FANCM: variants seen among roughly 807,000 people sequenced by gnomAD.
The protein encoded by FANCM is Fanconi anemia group M protein.
FANCM carries 140 observed loss-of-function variants against 199.5 expected under a neutral mutation model. The observed-to-expected ratio is 0.70, with a 90% CI of 0.61 to 0.81. The LOEUF (loss-of-function observed/expected upper bound fraction) is 0.81. Among genes scored for constraint, FANCM ranks in the 30% least tolerant of loss-of-function variants. The pLI is 0.00. For missense variants in FANCM, 2,410 were observed against 2,421.4 expected (o/e 1.00, Z 0.10); for synonymous variants, 840 against 836.8 (o/e 1.00, Z -0.07).
chr14:45,155,096 G>GT (rs1887087373), intron 7 of FANCM, among the ~76,000 whole-genome samples: 1 of 152,018 alleles, frequency 6.6e-6, no homozygotes, highest in African/African-American at 2.4e-5. Context: ...AAAATTCTCA[G>GT]AACTATCAAA....
In FANCM at chr14:45,176,790, A is replaced by G; in HGVS notation, c.4036A>G (p.Thr1346Ala). 2.5e-6 allele frequency: 4 copies of G among 1,607,666 alleles called. No homozygotes were observed. The highest frequency in any genetic ancestry group is 3.3e-4 in the Middle Eastern group (2 of 6,024). The part of the protein sequence containing the change: ...VMSTPLSKSN[T>A]LNSFSKIRKE... ...GAGTACACCACTCTCTAAATCAAAC[A>G]CATTGAACTCATTTTCTAAGATAAG... is the stretch of plus-strand genomic sequence containing the variant. Residue 1346 changes from threonine to alanine, a missense_variant, in exon 14 of 23, where the codon ACA becomes GCA. Coordinates refer to ENST00000267430, the MANE Select transcript of FANCM (RefSeq NM_020937.4).
Position 45,199,891 on chromosome 14 carries a change from G to T in FANCM, c.6030G>T (p.Met2010Ile). The T allele has an allele frequency of 6.2e-7, 1 of 1,611,472 alleles. No homozygotes were observed. Among genetic ancestry groups the T allele is most frequent in the Non-Finnish European group, 8.5e-7 (1 of 1,178,026 alleles). Residue 2010 changes from methionine to isoleucine, a missense_variant, in exon 23 of 23, where the codon ATG becomes ATT. Coordinates refer to ENST00000267430, the MANE Select transcript of FANCM (RefSeq NM_020937.4). ...TCAGCTCACTTCAAGAAATCTCCAT[G>T]TATGCACAAGTAACTCATCAGAAGG... ...MANSSLQEIS[M>I]YAQVTHQKAE... is the part of the protein sequence containing the mutation.
intron 11 of FANCM, 164 bp downstream of exon 11, chr14:45,167,327 A>G (rs1888056382): frequency 1.6e-6 from 1 of 630,360 alleles, no homozygotes; most frequent in Non-Finnish European, 2.8e-6. Context: ...CATGTGGCAA[A>G]TGGAGAGACA....
chr14:45,188,364 T>G (rs1162956584), intron 19 of FANCM, among the ~76,000 whole-genome samples: 1 of 152,162 alleles, frequency 6.6e-6, no homozygotes, highest in African/African-American at 2.4e-5. Context: ...ATTCCTTTTT[T>G]GTCCTTGGTT....
intron 18 of FANCM, among the ~76,000 whole-genome samples, chr14:45,185,711 TTTC>T (rs1258946281): frequency 6.6e-6 from 1 of 152,122 alleles, no homozygotes; most frequent in Non-Finnish European, 1.5e-5. Context: ...AGACAAAAAA[TTTC>T]TTCTTATGAA....
At chr14:45,145,834 C>T (rs887810804) in intron 3 of FANCM, among the ~76,000 whole-genome samples, 9 of 151,506 alleles carry the variant, frequency 5.9e-5, no homozygotes, top group East Asian at 3.9e-4. Context: ...CCGAGGCGGG[C>T]GGATCACGAG....
chr14:45,166,142 AAAC>A (rs1420887766), intron 10 of FANCM, among the ~76,000 whole-genome samples: 1 of 151,714 alleles, frequency 6.6e-6, no homozygotes, highest in African/African-American at 2.4e-5. Context: ...AAAAAAAAAA[AAAC>A]AAAAAAAACG....
At chr14:45,156,688 G>A (rs1441859183) in intron 8 of FANCM, among the ~76,000 whole-genome samples, 4 of 152,090 alleles carry the variant, frequency 2.6e-5, no homozygotes, top group Admixed American at 2.0e-4. Flanking sequence ...GAGAGGCCGA[G>A]GTGGGCAGAT....
chr14:45,184,617 C>T lies in FANCM; in HGVS notation c.4516-600C>T, dbSNP rs568395218. On this transcript the variant is annotated intron_variant, in intron 17 of 22. Transcript: ENST00000267430. ...CGGAGGTTGCAGTGAGCCAAGATTG[C>T]GCCACTGCACTCCCGCCTGGGCAAC... Among the ~76,000 whole-genome samples, 11 of 148,092 alleles carry T rather than the reference C, an allele frequency of 7.4e-5. 1 individual carries two copies. The South Asian group carries it at 8.6e-4, about 12-fold the overall frequency.
chr14:45,160,568 G>A (rs545219095), intron 9 of FANCM, among the ~76,000 whole-genome samples: 4 of 147,348 alleles, frequency 2.7e-5, no homozygotes, highest in South Asian at 2.2e-4. Context: ...TTTTTGAGAC[G>A]GAGTCTCGCT....
rs187466726 is a variant in FANCM, at chr14:45,199,951, T to C, written c.6090T>C (p.Phe2030=). ...EEIYRYIHYV[F]DIQMLPNDLN... Reference sequence around the variant, plus strand: ...TCTATAGATATATTCACTATGTATTTGACATACAAATGTTACCAAATGATC... The same window carrying C: ...TCTATAGATATATTCACTATGTATTCGACATACAAATGTTACCAAATGATC... The change falls in exon 23 of 23, where the codon TTT becomes TTC. Residue 2030 remains phenylalanine, a synonymous_variant. Transcript: ENST00000267430. 1.1e-5 allele frequency: 17 copies of C among 1,603,840 alleles called. No individual in the cohort carries two copies. The highest frequency in any genetic ancestry group is 3.4e-4 in the Middle Eastern group (2 of 5,970).
In FANCM at chr14:45,169,899, T is replaced by C. The variant is rs546553938; in HGVS notation, c.2003-690T>C. Reference sequence around the variant, plus strand: ...CAAGTCTGTTCCCCCTACACTTTACTCATTTTGCCCCAACCCCCATTTAAG... The same window carrying C: ...CAAGTCTGTTCCCCCTACACTTTACCCATTTTGCCCCAACCCCCATTTAAG... On this transcript the variant is annotated intron_variant, in intron 11 of 22. Coordinates refer to ENST00000267430, the MANE Select transcript of FANCM (RefSeq NM_020937.4). Among the ~76,000 whole-genome samples the C allele has an allele frequency of 1.0e-3, 158 of 152,300 alleles. 5 individuals carry two copies. Among genetic ancestry groups the C allele is most frequent in the Non-Finnish European group, 1.3e-3 (86 of 68,030 alleles).
At chr14:45,174,993 A>C (rs997802866) in intron 13 of FANCM, 78 bp from the exon 14 acceptor site, 1 of 776,842 alleles carries the variant, frequency 1.3e-6, no homozygotes, top group African/African-American at 1.7e-5. Flanking sequence ...TTTAATATAG[A>C]GTGAAACTCC....
chr14:45,153,755 G>T (rs760781193), intron 5 of FANCM, among the ~76,000 whole-genome samples, 165 bp from the exon 6 acceptor site: 4 of 152,096 alleles, frequency 2.6e-5, no homozygotes, highest in African/African-American at 4.8e-5. Flanking sequence ...CCTATAAGAT[G>T]ACATTTAATA....
chr14:45,163,731 A>G (rs1033187642), intron 9 of FANCM, among the ~76,000 whole-genome samples: 2 of 152,276 alleles, frequency 1.3e-5, no homozygotes, highest in East Asian at 1.9e-4. Context: ...GCTGTAGGCC[A>G]TTTCCCTGCC....
intron 16 of FANCM, among the ~76,000 whole-genome samples, chr14:45,182,291 G>A (rs1396876277): frequency 1.3e-5 from 2 of 152,134 alleles, no homozygotes; most frequent in Non-Finnish European, 2.9e-5. Context: ...AGTGAGAAAC[G>A]GCATCTCTAT....
chr14:45,171,676 GAGT>G (rs1888349092), intron 12 of FANCM, among the ~76,000 whole-genome samples: 1 of 147,178 alleles, frequency 6.8e-6, no homozygotes, highest in East Asian at 2.0e-4. Context: ...TTTTATGGCT[GAGT>G]AGTAGTCCAT....
At chr14:45,166,863 A>G (rs1021897625) in intron 10 of FANCM, 87 bp from the exon 11 acceptor site, 6 of 813,034 alleles carry the variant, frequency 7.4e-6, no homozygotes, top group Admixed American at 2.1e-5. Flanking sequence ...TATGTTTACA[A>G]TAAATCCAAA....
At chr14:45,153,889 TG>T in intron 5 of FANCM, 30 bp from the exon 6 acceptor site, 1 of 1,591,302 alleles carries the variant, frequency 6.3e-7, no homozygotes, top group Non-Finnish European at 8.6e-7. Context: ...TTTATTTCTC[TG>T]GTTAAATTTG....
Sources: allele counts gnomAD v4.1 joint callset (sites outside exome capture counted in the v4.1 genomes callset), GRCh38; gene constraint gnomAD v4.1.1; transcripts MANE v1.5; gene names NCBI Gene and HGNC (gene_info 2026-07-23, HGNC 2026-07-21).